The following CSGALNACT1 variants were observed in gnomAD, a reference collection of about 807,000 sequenced individuals.
CSGALNACT1 encodes the protein chondroitin sulfate N-acetylgalactosaminyltransferase 1, also known as beta4GalNAcT-1.
Under a neutral mutation model 51.0 loss-of-function variants are expected in CSGALNACT1, and 52 were observed. The ratio of observed to expected loss-of-function variants is 1.02; its 90% CI spans 0.82 to 1.29. CSGALNACT1 has a LOEUF of 1.29. CSGALNACT1 is among the 50% of genes most tolerant of loss of function. CSGALNACT1 has a pLI of 0.00. For missense variants in CSGALNACT1, 935 were observed against 679.2 expected (o/e 1.38, Z -4.19); for synonymous variants, 341 against 254.4 (o/e 1.34, Z -3.24).
At chr8:19,698,838 T>A (rs1437456312) in intron 1 of CSGALNACT1, among the ~76,000 whole-genome samples, 1 of 152,170 alleles carries the variant, frequency 6.6e-6, no homozygotes, top group Non-Finnish European at 1.5e-5. Flanking sequence ...CATCCCTCAT[T>A]ATCTATGGGG....
chr8:19,551,579 G>A (rs1040973344), intron 3 of CSGALNACT1, among the ~76,000 whole-genome samples: 8 of 152,200 alleles, frequency 5.3e-5, no homozygotes, highest in African/African-American at 1.7e-4. Context: ...CCTATTGCGT[G>A]CAAGCAAATA....
intron 1 of CSGALNACT1, among the ~76,000 whole-genome samples, chr8:19,649,188 G>A (rs534807176): frequency 1.6e-4 from 25 of 152,298 alleles, no homozygotes; most frequent in Non-Finnish European, 2.9e-4. Flanking sequence ...AAAAATGGAG[G>A]CACAAGGAGG....
chr8:19,493,441 T>C (rs761994352), intron 4 of CSGALNACT1, among the ~76,000 whole-genome samples: 5 of 148,186 alleles, frequency 3.4e-5, no homozygotes, highest in African/African-American at 1.0e-4. Context: ...TTAGAGACTA[T>C]TGCGTCTTCT....
At chr8:19,439,757 A>G (rs2060999493) in intron 6 of CSGALNACT1, 73 bp downstream of exon 5, 1 of 1,130,032 alleles carries the variant, frequency 8.8e-7, no homozygotes, top group Non-Finnish European at 1.3e-6. Flanking sequence ...ATTAAGCAGA[A>G]GTTTCAGCCT....
rs183716075 is a variant in CSGALNACT1, at chr8:19,688,450, G to C, written c.-297+69400C>G. On this transcript the variant is annotated intron_variant, in intron 1 of 1. Transcript: ENST00000517494. ...CACGCAGGTGGTGGGCAATTGCTAA[G>C]TGACATTTTTCTAAAGGTGGAATTC... Among the ~76,000 whole-genome samples the C allele has an allele frequency of 1.1e-4, 16 of 152,284 alleles. No homozygotes were observed. The East Asian group carries it at 3.1e-3, about 29-fold the overall frequency.
At chr8:19,413,454 G>C (rs1430816033) in intron 8 of CSGALNACT1, among the ~76,000 whole-genome samples, 1 of 152,154 alleles carries the variant, frequency 6.6e-6, no homozygotes, top group Non-Finnish European at 1.5e-5. Context: ...AGATAACGTG[G>C]GCACCGGACT....
chr8:19,529,688 C>T (rs371356497), intron 3 of CSGALNACT1, among the ~76,000 whole-genome samples: 46 of 152,152 alleles, frequency 3.0e-4, no homozygotes, highest in Middle Eastern at 3.4e-3. Context: ...ACAGAGTTGT[C>T]GCTTGGTATC....
At chr8:19,464,549 C>A (rs958869630) in intron 4 of CSGALNACT1, among the ~76,000 whole-genome samples, 14 of 152,090 alleles carry the variant, frequency 9.2e-5, no homozygotes, top group African/African-American at 3.4e-4. Flanking sequence ...GGTCCCCAAG[C>A]CACGGAATGG....
In CSGALNACT1 at chr8:19,557,457, C is replaced by T. The variant is rs573768815; in HGVS notation, c.-297+33703G>A. Among the ~76,000 whole-genome samples, 22 of 152,296 alleles carry T rather than the reference C, an allele frequency of 1.4e-4. No homozygotes were observed. The South Asian group carries it at 4.6e-3, about 32-fold the overall frequency. On this transcript the variant is annotated intron_variant, in intron 3 of 9. Transcript: ENST00000454498. ...CAAATCCTGGACCAGGGCCTCCAGG[C>T]CCCTAAAAGACCCTGCACCCAGCCT...
intron 1 of CSGALNACT1, among the ~76,000 whole-genome samples, chr8:19,644,878 G>A (rs907217124): frequency 6.6e-6 from 1 of 152,036 alleles, no homozygotes. Flanking sequence ...ATGAAACTGA[G>A]GCATATCCTA....
intron 1 of CSGALNACT1, among the ~76,000 whole-genome samples, chr8:19,677,524 C>T (rs1000345852): frequency 6.6e-6 from 1 of 152,116 alleles, no homozygotes. Flanking sequence ...CAATGACCTT[C>T]AGTAAGTGAG....
intron 1 of CSGALNACT1, among the ~76,000 whole-genome samples, chr8:19,702,542 A>G (rs2061937939): frequency 6.6e-6 from 1 of 152,000 alleles, no homozygotes; most frequent in Admixed American, 6.6e-5. Context: ...TAAAATTCAA[A>G]TTCTTCAACC....
At position 19,736,297 on chromosome 8, in the gene CSGALNACT1, A is replaced by G. The variant is rs770137629; in HGVS notation, c.-297+21553T>C. Among the ~76,000 whole-genome samples, 3 of 152,174 alleles carry G rather than the reference A, an allele frequency of 2.0e-5. No individual in the cohort carries two copies. The East Asian group carries it at 5.8e-4, about 29-fold the overall frequency. On this transcript the variant is annotated intron_variant, in intron 1 of 1. Coordinates refer to the CSGALNACT1 transcript ENST00000517494. Reference sequence around the variant, plus strand: ...TGTAGTCTATGGCTGCTTTTTTCCTATGACGACAGACTTGAGTAGTTGTAA... The same window carrying G: ...TGTAGTCTATGGCTGCTTTTTTCCTGTGACGACAGACTTGAGTAGTTGTAA...
At chr8:19,406,026 C>A (rs1425589620) in exon 10 of CSGALNACT1, 1 of 1,614,228 alleles carries the variant, frequency 6.2e-7, no homozygotes. Flanking sequence ...GATAAAGGTG[C>A]ACATCCTCTC....
At chr8:19,534,957 A>T (rs764396933) in intron 3 of CSGALNACT1, among the ~76,000 whole-genome samples, 16 of 152,142 alleles carry the variant, frequency 1.1e-4, no homozygotes, top group Non-Finnish European at 1.9e-4. Context: ...ATCCCTGACC[A>T]CTGCCGAAAT....
intron 1 of CSGALNACT1, among the ~76,000 whole-genome samples, chr8:19,625,013 A>G (rs1387537621): frequency 2.0e-5 from 3 of 152,198 alleles, no homozygotes; most frequent in African/African-American, 7.2e-5. Context: ...TCATCCTGCT[A>G]TCACCCAGCT....
intron 1 of CSGALNACT1, among the ~76,000 whole-genome samples, chr8:19,680,165 C>A (rs1564413716): frequency 1.3e-5 from 2 of 152,116 alleles, no homozygotes; most frequent in South Asian, 2.1e-4. Flanking sequence ...ATAGTTGGCC[C>A]CCTGCATCCA....
At chr8:19,612,034 T>TA (rs931355139) in intron 1 of CSGALNACT1, among the ~76,000 whole-genome samples, 18 of 152,116 alleles carry the variant, frequency 1.2e-4, no homozygotes, top group African/African-American at 4.3e-4. Flanking sequence ...TCCTGCATTT[T>TA]ACAACTTGGA....
chr8:19,461,762 G>GCAGCCACATTCACCATGGAT lies in CSGALNACT1; in HGVS notation c.635-3121_635-3120insATCCATGGTGAATGTGGCTG, dbSNP rs1563529006. Among the ~76,000 whole-genome samples, 66 of 110,462 alleles carry GCAGCCACATTCACCATGGAT rather than the reference G, an allele frequency of 6.0e-4. 25 individuals carry two copies. Among genetic ancestry groups the GCAGCCACATTCACCATGGAT allele is most frequent in the Non-Finnish European group, 1.0e-3 (51 of 49,148 alleles). The allele number at this position is 110,462 out of a possible 152,430, so 72.5% of individuals were successfully genotyped here. On this transcript the variant is annotated intron_variant, in intron 4 of 9. Transcript: ENST00000454498. ...GCACAGCGGCCACATTCACCATGGAGGGCGTATCTGCACAGCAGCCACATT... is the reference window on the plus strand; with the variant it reads ...GCACAGCGGCCACATTCACCATGGAGCAGCCACATTCACCATGGATGGCGTATCTGCACAGCAGCCACATT...
Sources: allele counts gnomAD v4.1 joint callset (sites outside exome capture counted in the v4.1 genomes callset), GRCh38; gene constraint gnomAD v4.1.1; transcripts MANE v1.5; gene names NCBI Gene and HGNC (gene_info 2026-07-23, HGNC 2026-07-21).